Variants in ELMO2 observed in about 807,000 individuals in gnomAD.
ELMO2 encodes the protein engulfment and cell motility 2.
In ELMO2, 37 loss-of-function variants were observed where a neutral mutation model predicts 96.2. The ratio of observed to expected loss-of-function variants is 0.38; its 90% CI spans 0.30 to 0.51. ELMO2 has a LOEUF of 0.51. ELMO2 is among the 20% of genes least tolerant of loss of function. ELMO2 has a pLI of 0.88. For synonymous variants in ELMO2, 315 were observed against 329.4 expected (o/e 0.96, Z 0.47); for missense variants, 561 against 912.6 (o/e 0.61, Z 4.96).
At position 46,394,342 on chromosome 20, in the gene ELMO2, C is replaced by T; in HGVS notation, c.78+63G>A. On this transcript the variant is annotated intron_variant, in intron 3 of 21. Transcript: ENST00000290246. ...CGGTGGTCCCCATCCCTCAAGATGT[C>T]CTCTGCCATGCACTCCCCAGGTGCC... 3.2e-6 allele frequency: 5 copies of T among 1,556,750 alleles called. No individual in the cohort carries two copies. The South Asian group carries it at 5.6e-5, about 17-fold the overall frequency.
At chr20:46,393,948 C>T in intron 4 of ELMO2, 101 bp downstream of exon 4, 1 of 1,508,450 alleles carries the variant, frequency 6.6e-7, no homozygotes. Context: ...ATGCTGAGGA[C>T]CTGCCTAACT....
At chr20:46,395,974 TGGA>T (rs2145847425) in intron 2 of ELMO2, among the ~76,000 whole-genome samples, 2 of 152,374 alleles carry the variant, frequency 1.3e-5, no homozygotes, top group South Asian at 4.1e-4. Context: ...TGACAGAACT[TGGA>T]CTGGCTTCGG....
At chr20:46,369,153 T>G in intron 20 of ELMO2, 185 bp from the exon 21 acceptor site, 1 of 560,298 alleles carries the variant, frequency 1.8e-6, no homozygotes. Flanking sequence ...CAACCTTAAC[T>G]TACCCACTCC....
rs767181447 is a variant in ELMO2, at chr20:46,374,450, G to T, written c.1171-10C>A. The stretch of plus-strand genomic sequence containing the variant: ...TGTTCTCCAAGACAATCTGTCGGGG[G>T]AAGAGAAAGGGAGGATTAGGGAGAT... On this transcript the variant is annotated splice_polypyrimidine_tract_variant and intron_variant, in intron 14 of 21. Coordinates refer to ENST00000290246, the MANE Select transcript of ELMO2 (RefSeq NM_133171.5). The T allele has an allele frequency of 6.2e-7, 1 of 1,613,684 alleles. No individual in the cohort carries two copies. Among genetic ancestry groups the T allele is most frequent in the South Asian group, 1.1e-5 (1 of 91,074 alleles).
In ELMO2 at chr20:46,389,484, G is replaced by C. The variant is rs1226184513; in HGVS notation, c.244-264C>G. On this transcript the variant is annotated intron_variant, in intron 6 of 21. Coordinates refer to ENST00000290246, the MANE Select transcript of ELMO2 (RefSeq NM_133171.5). ...AAATTCCTACCAAGGGAATACTGGA[G>C]GCATCTGGGAGGCCCACTAACGATG... Among the ~76,000 whole-genome samples, 3 of 152,188 alleles carry C rather than the reference G, an allele frequency of 2.0e-5. No homozygotes were observed. In the East Asian group the frequency reaches 5.8e-4, roughly 29 times the overall value.
At chr20:46,402,683 A>C (rs1180335158) in intron 1 of ELMO2, among the ~76,000 whole-genome samples, 1 of 152,208 alleles carries the variant, frequency 6.6e-6, no homozygotes, top group African/African-American at 2.4e-5. Context: ...CTCAGTGTAA[A>C]ATCAGGCCAA....
chr20:46,398,351 C>T (rs1404463839), intron 2 of ELMO2, among the ~76,000 whole-genome samples: 1 of 151,894 alleles, frequency 6.6e-6, no homozygotes, highest in Non-Finnish European at 1.5e-5. Context: ...TTGCTCTTGT[C>T]GCCTAGGCTG....
At chr20:46,393,842 G>T in intron 4 of ELMO2, 1 of 761,854 alleles carries the variant, frequency 1.3e-6, no homozygotes, top group Non-Finnish European at 2.1e-6. Flanking sequence ...ATAGGGCAAT[G>T]CTAGACTTTA....
Position 46,394,111 on chromosome 20 carries a change from C to A in ELMO2, c.79-22G>T, listed in dbSNP as rs201029650. 6.9e-6 allele frequency: 11 copies of A among 1,595,530 alleles called. No homozygotes were observed. The East Asian group carries it at 2.2e-4, about 32-fold the overall frequency. On this transcript the variant is annotated intron_variant, in intron 3 of 21. Transcript: ENST00000290246. ...GTTTCTGAAAGAGAGAGAGAGAAAG[C>A]CTTCAACAGCAGCAACATCCTACTC...
At chr20:46,397,183 T>A (rs2060258340) in intron 2 of ELMO2, among the ~76,000 whole-genome samples, 1 of 152,198 alleles carries the variant, frequency 6.6e-6, no homozygotes, top group African/African-American at 2.4e-5. Context: ...TTTTAAAGCA[T>A]GGAGATTTGC....
rs569921471 is a variant in ELMO2, at chr20:46,370,673, G to A, written c.1802-148C>T. On this transcript the variant is annotated intron_variant, in intron 19 of 21. Transcript: ENST00000290246. Reference sequence around the variant, plus strand: ...GCTGCTGTATGAGCTCAGTGAGGGTGGTGGGGAGGATGGCCTTGTACTGTT... The same window carrying A: ...GCTGCTGTATGAGCTCAGTGAGGGTAGTGGGGAGGATGGCCTTGTACTGTT... The A allele has an allele frequency of 2.3e-5, 17 of 742,066 alleles. No individual in the cohort carries two copies. The East Asian group carries it at 3.6e-4, about 16-fold the overall frequency. The allele number at this position is 742,066 out of a possible 1,614,324, so 46.0% of individuals were successfully genotyped here. A position where few individuals can be genotyped will look rare whatever the true frequency, so the allele number is the denominator to read the frequency against.
chr20:46,387,632 CAAAAAA>C, intron 7 of ELMO2, 195 bp from the exon 8 acceptor site: 3 of 105,776 alleles, frequency 2.8e-5, no homozygotes, highest in Non-Finnish European at 5.5e-5. Flanking sequence ...TCTATCGCTG[CAAAAAA>C]AAAAAAAAAA....
intron 2 of ELMO2, among the ~76,000 whole-genome samples, chr20:46,397,533 G>A (rs889071305): frequency 2.0e-5 from 3 of 152,194 alleles, no homozygotes; most frequent in African/African-American, 7.2e-5. Flanking sequence ...AGCCAGGCAT[G>A]ATGGTGGGCG....
intron 10 of ELMO2, among the ~76,000 whole-genome samples, chr20:46,382,010 A>AC (rs2059965359): frequency 6.6e-6 from 1 of 152,138 alleles, no homozygotes; most frequent in African/African-American, 2.4e-5. Context: ...TGGGGCAGGT[A>AC]CCCCCTTAAT....
intron 1 of ELMO2, among the ~76,000 whole-genome samples, chr20:46,406,185 C>T (rs1484043544): frequency 1.3e-5 from 2 of 152,146 alleles, no homozygotes; most frequent in East Asian, 1.9e-4. Flanking sequence ...GGCTTCTTCC[C>T]AGCCCTCTCC....
chr20:46,404,965 A>AGTTT (rs1303138476), intron 1 of ELMO2, among the ~76,000 whole-genome samples: 1 of 152,158 alleles, frequency 6.6e-6, no homozygotes, highest in Non-Finnish European at 1.5e-5. Flanking sequence ...TCCAAATGTC[A>AGTTT]GTTTCATTCC....
chr20:46,400,595 C>T (rs1019704918), intron 1 of ELMO2, among the ~76,000 whole-genome samples: 8 of 152,268 alleles, frequency 5.3e-5, no homozygotes, highest in Non-Finnish European at 1.2e-4. Flanking sequence ...ACCCTTCTAC[C>T]TTCCACTCCT....
chr20:46,379,286 G>A (rs1180887572), intron 11 of ELMO2, among the ~76,000 whole-genome samples: 2 of 151,936 alleles, frequency 1.3e-5, no homozygotes, highest in African/African-American at 2.4e-5. Flanking sequence ...GAGCCACCAC[G>A]TCCGGCCAAA....
At chr20:46,400,258 C>T (rs144718480) in intron 1 of ELMO2, among the ~76,000 whole-genome samples, 1 of 152,338 alleles carries the variant, frequency 6.6e-6, no homozygotes, top group East Asian at 1.9e-4. Context: ...GAAAACCTCC[C>T]TCTGCTTTTC....
Sources: allele counts gnomAD v4.1 joint callset (sites outside exome capture counted in the v4.1 genomes callset), GRCh38; gene constraint gnomAD v4.1.1; transcripts MANE v1.5; gene names NCBI Gene and HGNC (gene_info 2026-07-23, HGNC 2026-07-21).